ZNF774: variants seen among roughly 807,000 people sequenced by gnomAD.
ZNF774 encodes zinc finger protein 774.
A neutral mutation model predicts 11.1 loss-of-function variants in ZNF774; 14 were observed. The ratio of observed to expected loss-of-function variants is 1.26; its 90% CI spans 0.83 to 1.97. The LOEUF (loss-of-function observed/expected upper bound fraction) is 1.97, where lower values mean the gene tolerates loss of function less well. Among genes scored for constraint, ZNF774 ranks in the 30% most tolerant of loss-of-function variants. ZNF774 has a pLI of 0.00. For missense variants in ZNF774, 599 were observed against 587.0 expected, an observed-to-expected ratio of 1.02 and a Z score of -0.21; for synonymous variants, 195 against 212.6, an observed-to-expected ratio of 0.92 and a Z score of 0.72.
Position 90,352,350 on chromosome 15 carries a change from C to G in ZNF774, c.-81C>G, listed in dbSNP as rs941896048. ...GAGGCACAGCCTCGGGGTTGCGGGC[C>G]GGGTGCGGCTCGGCGGTGGAGGACT... On this transcript the variant is annotated 5_prime_UTR_variant, in exon 1 of 4. Coordinates refer to ENST00000354377, the MANE Select transcript of ZNF774 (RefSeq NM_001004309.3). 9 of 152,514 alleles carry G rather than the reference C, an allele frequency of 5.9e-5. No individual in the cohort carries two copies. The highest frequency in any genetic ancestry group is 1.9e-4 in the African/African-American group (8 of 41,460). The allele number at this position is 152,514 out of a possible 1,614,324, so 9.4% of individuals were successfully genotyped here.
Position 90,354,909 on chromosome 15 carries a change from C to A in ZNF774, c.104+145C>A, listed in dbSNP as rs987200837. 1.7e-5 allele frequency: 12 copies of A among 712,250 alleles called. No homozygotes were observed. In the Middle Eastern group the frequency reaches 1.5e-3, roughly 90 times the overall value. The allele number at this position is 712,250 out of a possible 1,614,324, so 44.1% of individuals were successfully genotyped here. ...TCCTGGGCTCAAGCGATTCTCCCAC[C>A]TCAACCTCCTGAGTAGCTGCGATCA... On this transcript the variant is annotated intron_variant, in intron 2 of 3. Coordinates refer to ENST00000354377, the MANE Select transcript of ZNF774 (RefSeq NM_001004309.3).
intron 3 of ZNF774, among the ~76,000 whole-genome samples, chr15:90,359,622 T>G (rs1964297233): frequency 6.6e-6 from 1 of 151,988 alleles, no homozygotes. Flanking sequence ...GCCCAGCTAA[T>G]TTTCATATTT....
chr15:90,355,520 C>A (rs186236215), intron 2 of ZNF774: 2 of 438,088 alleles, frequency 4.6e-6, no homozygotes, highest in African/African-American at 4.1e-5. Flanking sequence ...GTCAGGAGTT[C>A]GAGACCAGCC....
rs764126239 is a variant in ZNF774, at chr15:90,362,570, A to C, written c.*1287A>C. 22 of 1,535,888 alleles carry C rather than the reference A, an allele frequency of 1.4e-5. No homozygotes were observed. The highest frequency in any genetic ancestry group is 1.5e-5 in the Non-Finnish European group (17 of 1,146,712). On this transcript the variant is annotated 3_prime_UTR_variant, in exon 4 of 4. Transcript: ENST00000354377. The stretch of plus-strand genomic sequence containing the variant: ...GGCCATCCAGGTTATGCACTAGTAC[A>C]TTCCTACATTCAATTGAAATAAATT...
Position 90,361,118 on chromosome 15 carries a change from G to A in ZNF774, c.1287G>A (p.Arg429=). 6.2e-7 allele frequency: 1 copy of A among 1,614,174 alleles called. No individual in the cohort carries two copies. The highest frequency in any genetic ancestry group is 8.5e-7 in the Non-Finnish European group (1 of 1,180,028). Residue 429 remains arginine, a synonymous_variant, in exon 4 of 4, where the codon AGG becomes AGA. Transcript: ENST00000354377. ...ITHQRIHLGD[R]PYRCPECGKT... ...ATCAGCGAATCCACTTAGGAGACAG[G>A]CCCTATCGATGTCCTGAGTGTGGCA...
chr15:90,359,023 T>G, intron 3 of ZNF774, 66 bp downstream of exon 3: 1 of 1,252,018 alleles, frequency 8.0e-7, no homozygotes, highest in Non-Finnish European at 1.1e-6. Context: ...ATGAAGAATT[T>G]GGAATGCTGC....
In ZNF774 at chr15:90,360,039, TC is replaced by T; in HGVS notation, c.212-3del. ...ATTCTCTGTTACTTACATTAATTTTTCAGACTGTGAGCATCAGGTGGCAAAG... is the reference window on the plus strand; with the variant it reads ...ATTCTCTGTTACTTACATTAATTTTTAGACTGTGAGCATCAGGTGGCAAAG... On this transcript the variant is annotated splice_region_variant and splice_polypyrimidine_tract_variant and intron_variant, in intron 3 of 3. Transcript: ENST00000354377. 1.3e-6 allele frequency: 2 copies of T among 1,591,144 alleles called. No homozygotes were observed. The highest frequency in any genetic ancestry group is 1.7e-6 in the Non-Finnish European group (2 of 1,168,828).
At chr15:90,359,749 C>T (rs745445195) in intron 3 of ZNF774, among the ~76,000 whole-genome samples, 3 of 152,254 alleles carry the variant, frequency 2.0e-5, no homozygotes, top group Non-Finnish European at 2.9e-5. Context: ...GCCACCACGC[C>T]TGGCCTAAAC....
At chr15:90,357,964 C>T (rs1244225348) in intron 2 of ZNF774, among the ~76,000 whole-genome samples, 4 of 150,110 alleles carry the variant, frequency 2.7e-5, no homozygotes, top group Admixed American at 6.7e-5. Flanking sequence ...GGTGTGACCT[C>T]GATTCACCAT....
Position 90,361,365 on chromosome 15 carries a change from G to T in ZNF774, c.*82G>T. The stretch of plus-strand genomic sequence containing the variant: ...AAGCACCCCAAATAGAGAAAACCTG[G>T]GCGTCAGTGGCTCAATTTGGGCCCT... On this transcript the variant is annotated 3_prime_UTR_variant, in exon 4 of 4. Coordinates refer to ENST00000354377, the MANE Select transcript of ZNF774 (RefSeq NM_001004309.3). 6.7e-7 allele frequency: 1 copy of T among 1,502,176 alleles called. No homozygotes were observed. Among genetic ancestry groups the T allele is most frequent in the East Asian group, 2.3e-5 (1 of 44,072 alleles). The allele number at this position is 1,502,176 out of a possible 1,614,324, so 93.1% of individuals were successfully genotyped here.
Position 90,358,916 on chromosome 15 carries a change from A to C in ZNF774, c.170A>C (p.Gln57Pro), listed in dbSNP as rs1456223372. Reference sequence around the variant, plus strand: ...GAAGAGCCATGGGTCCTACCACTCCAAAACTTTGAGGCGAGGAAGATCCCG... The same window carrying C: ...GAAGAGCCATGGGTCCTACCACTCCCAAACTTTGAGGCGAGGAAGATCCCG... The part of the protein sequence containing the change: ...QKEEPWVLPL[Q>P]NFEARKIPRE... The change falls in exon 3 of 4, where the codon CAA (glutamine) becomes CCA (proline). Residue 57 changes from glutamine to proline, a missense_variant. Gln to Pro is a moderately conservative substitution (Grantham distance 76, BLOSUM62 -1). Transcript: ENST00000354377. The C allele has an allele frequency of 6.2e-7, 1 of 1,613,826 alleles. No homozygotes were observed. Among genetic ancestry groups the C allele is most frequent in the East Asian group, 2.2e-5 (1 of 44,866 alleles).
intron 2 of ZNF774, among the ~76,000 whole-genome samples, chr15:90,356,393 C>T (rs28562379): frequency 0.067 from 10,175 of 151,814 alleles, 1,074 homozygotes; most frequent in African/African-American, 0.23. Context: ...GTCGAGGTTT[C>T]ACCATGTTGG....
Position 90,362,738 on chromosome 15 carries a change from G to C in ZNF774, c.*1455G>C. ...ACCTACCTCACAAGGTTGTTGTGAGGATCTAAAAATACACACACACACACA... is the reference window on the plus strand; with the variant it reads ...ACCTACCTCACAAGGTTGTTGTGAGCATCTAAAAATACACACACACACACA... On this transcript the variant is annotated 3_prime_UTR_variant, in exon 4 of 4. Transcript: ENST00000354377. The C allele has an allele frequency of 1.9e-6, 1 of 538,494 alleles. No individual in the cohort carries two copies. The highest frequency in any genetic ancestry group is 3.3e-6 in the Non-Finnish European group (1 of 300,550). The allele number at this position is 538,494 out of a possible 1,614,324, so 33.4% of individuals were successfully genotyped here.
intron 1 of ZNF774, among the ~76,000 whole-genome samples, chr15:90,353,206 A>T (rs2151680130): frequency 6.6e-6 from 1 of 152,184 alleles, no homozygotes; most frequent in South Asian, 2.1e-4. Flanking sequence ...ACCCCAGGTG[A>T]TCCGCCCGTC....
chr15:90,362,642 G>T lies in ZNF774; in HGVS notation c.*1359G>T. 14 of 1,481,178 alleles carry T rather than the reference G, an allele frequency of 9.5e-6. No homozygotes were observed. The highest frequency in any genetic ancestry group is 1.3e-5 in the Non-Finnish European group (14 of 1,097,346). 91.8% of individuals were successfully genotyped at this position (1,481,178 alleles called of 1,614,324 possible). On this transcript the variant is annotated 3_prime_UTR_variant, in exon 4 of 4. Transcript: ENST00000354377. Reference sequence around the variant, plus strand: ...AAAGAACACCGACTTCATTGAGAAGGTAAAGTATTTGAGTCCTGGCCCTGA... The same window carrying T: ...AAAGAACACCGACTTCATTGAGAAGTTAAAGTATTTGAGTCCTGGCCCTGA...
rs1964349349 is a variant in ZNF774, at chr15:90,362,438, C to T, written c.*1155C>T. On this transcript the variant is annotated 3_prime_UTR_variant, in exon 4 of 4. Transcript: ENST00000354377. ...TTGCTGAGAATGTCAAATGATATTA[C>T]AGGGATCCTCCCTGGCATTTAGCTG... The T allele has an allele frequency of 9.7e-7, 1 of 1,028,764 alleles. No individual in the cohort carries two copies. Among genetic ancestry groups the T allele is most frequent in the South Asian group, 1.4e-5 (1 of 72,088 alleles). The allele number at this position is 1,028,764 out of a possible 1,614,324, so 63.7% of individuals were successfully genotyped here.
chr15:90,358,859 G>C lies in ZNF774; in HGVS notation c.113G>C (p.Arg38Thr). The C allele has an allele frequency of 6.2e-7, 1 of 1,612,762 alleles. No individual in the cohort carries two copies. The highest frequency in any genetic ancestry group is 8.5e-7 in the Non-Finnish European group (1 of 1,179,182). The change falls in exon 3 of 4, where the codon AGG (arginine) becomes ACG (threonine). Residue 38 changes from arginine to threonine, a missense_variant. Arg to Thr is a moderately conservative substitution (Grantham distance 71, BLOSUM62 -1). Transcript: ENST00000354377. Reference sequence around the variant, plus strand: ...TTTACATTCCTGTGTAGAATTTCCAGGCCTAGTGTAATCTCCCAGCCGGAG... The same window carrying C: ...TTTACATTCCTGTGTAGAATTTCCACGCCTAGTGTAATCTCCCAGCCGGAG... Reference protein sequence around the residue: ...LEEWALKGISRPSVISQPEQK... With the variant: ...LEEWALKGISTPSVISQPEQK...
In ZNF774 at chr15:90,352,341, G is replaced by A. The variant is rs926459850; in HGVS notation, c.-90G>A. ...GGGTTCTGGGAGGCACAGCCTCGGG[G>A]TTGCGGGCCGGGTGCGGCTCGGCGG... is the stretch of plus-strand genomic sequence containing the variant. On this transcript the variant is annotated 5_prime_UTR_variant, in exon 1 of 4. Transcript: ENST00000354377. The A allele has an allele frequency of 2.6e-5, 4 of 152,536 alleles. No individual in the cohort carries two copies. Among genetic ancestry groups the A allele is most frequent in the African/African-American group, 9.6e-5 (4 of 41,476 alleles). 9.4% of individuals were successfully genotyped at this position (152,536 alleles called of 1,614,324 possible).
In ZNF774 at chr15:90,362,784, C is replaced by T; in HGVS notation, c.*1501C>T. ...ACACACACACACACACACACACACACACTTTGTTGGTTAACTATAAATGTA... is the reference window on the plus strand; with the variant it reads ...ACACACACACACACACACACACACATACTTTGTTGGTTAACTATAAATGTA... On this transcript the variant is annotated 3_prime_UTR_variant, in exon 4 of 4. Coordinates refer to ENST00000354377, the MANE Select transcript of ZNF774 (RefSeq NM_001004309.3). 2.1e-6 allele frequency: 1 copy of T among 482,472 alleles called. No homozygotes were observed. The highest frequency in any genetic ancestry group is 3.5e-5 in the Admixed American group (1 of 28,642). 29.9% of individuals were successfully genotyped at this position (482,472 alleles called of 1,614,324 possible).
Sources: gnomAD v4.1 joint callset for allele counts (sites outside exome capture counted in the v4.1 genomes callset) on GRCh38, gnomAD v4.1.1 for gene constraint, MANE v1.5 for transcripts, NCBI Gene and HGNC (gene_info 2026-07-23, HGNC 2026-07-21) for gene names.